Variants in FAM83A observed in about 807,000 individuals in gnomAD.
FAM83A encodes the protein scaffolding CK1 anchoring protein A, also known as protein FAM83A.
FAM83A carries 21 observed loss-of-function variants against 24.4 expected under a neutral mutation model. The ratio of observed to expected loss-of-function variants is 0.86; its 90% confidence interval spans 0.61 to 1.24. FAM83A has a LOEUF of 1.24. FAM83A is among the 50% of genes most tolerant of loss of function. FAM83A has a pLI of 0.00. For synonymous variants in FAM83A, 270 were observed against 252.4 expected (o/e 1.07, Z -0.66); for missense variants, 617 against 579.8 (o/e 1.06, Z -0.66).
At chr8:123,194,756 T>G (rs1824092418) in intron 3 of FAM83A, among the ~76,000 whole-genome samples, 1 of 152,236 alleles carries the variant, frequency 6.6e-6, no homozygotes, top group Admixed American at 6.5e-5. Flanking sequence ...GTGCTGAGAT[T>G]AGAGGCGTGA....
intron 3 of FAM83A, among the ~76,000 whole-genome samples, chr8:123,197,916 G>A (rs1170980710): frequency 6.6e-6 from 1 of 152,136 alleles, no homozygotes; most frequent in Non-Finnish European, 1.5e-5. Flanking sequence ...GATTACCTGA[G>A]GTCAGTAGTT....
chr8:123,182,961 C>G, exon 1 of FAM83A: 1 of 1,609,232 alleles, frequency 6.2e-7, no homozygotes, highest in African/African-American at 1.3e-5. Flanking sequence ...ACGAGAGTGC[C>G]CGGCTGGCCA....
chr8:123,182,061 G>A (rs117923613), upstream of FAM83A: 5,595 of 456,278 alleles, frequency 0.012, 68 homozygotes, highest in Non-Finnish European at 0.02. Context: ...CTCGTGGGCC[G>A]CCGGCAGCCT....
chr8:123,193,930 TG>T, intron 2 of FAM83A, 93 bp from the exon 3 acceptor site: 5 of 1,491,154 alleles, frequency 3.4e-6, no homozygotes, highest in Non-Finnish European at 4.6e-6. Context: ...CAACACAGAA[TG>T]GGGGTAAAGG....
At chr8:123,206,738 GA>G (rs1824562623) in intron 3 of FAM83A, among the ~76,000 whole-genome samples, 1 of 152,174 alleles carries the variant, frequency 6.6e-6, no homozygotes, top group Non-Finnish European at 1.5e-5. Flanking sequence ...GTCTGTAAGA[GA>G]GGTGTCGCAA....
intron 1 of FAM83A, among the ~76,000 whole-genome samples, chr8:123,185,715 C>T (rs1255988846): frequency 2.0e-5 from 3 of 152,136 alleles, no homozygotes; most frequent in Non-Finnish European, 4.4e-5. Flanking sequence ...GCCAGGCACC[C>T]AATAATAATT....
In FAM83A at chr8:123,191,977, G is replaced by A; in HGVS notation, c.648+7G>A. ...CTCTGACAGTCACCTCAAGGTAGGG[G>A]CCCCAATGAGAGTCCTAAGGGTACT... is the stretch of plus-strand genomic sequence containing the variant. On this transcript the variant is annotated splice_region_variant and intron_variant, in intron 2 of 3. Transcript: ENST00000690554. The A allele has an allele frequency of 1.9e-6, 3 of 1,613,836 alleles. No individual in the cohort carries two copies. Among genetic ancestry groups the A allele is most frequent in the Non-Finnish European group, 2.5e-6 (3 of 1,179,820 alleles).
intron 3 of FAM83A, among the ~76,000 whole-genome samples, chr8:123,198,937 A>C (rs1824252953): frequency 6.6e-6 from 1 of 152,034 alleles, no homozygotes; most frequent in Non-Finnish European, 1.5e-5. Context: ...CGGGGGTTTC[A>C]CTGTGTTGGC....
At chr8:123,207,109 CATCCTT>C in intron 3 of FAM83A, 42 bp from the exon 4 acceptor site, 1 of 1,262,934 alleles carries the variant, frequency 7.9e-7, no homozygotes. Flanking sequence ...TTCCCCTCCC[CATCCTT>C]CCCCCTTCTC....
exon 1 of FAM83A, chr8:123,183,037 G>A (rs1456406706): frequency 6.2e-7 from 1 of 1,611,308 alleles, no homozygotes; most frequent in Non-Finnish European, 8.5e-7. Context: ...AGGCGAGGTG[G>A]ACTTCTTGTC....
chr8:123,207,640 G>T, exon 4 of FAM83A: 1 of 1,545,300 alleles, frequency 6.5e-7, no homozygotes, highest in South Asian at 1.2e-5. Flanking sequence ...TGGTGCCGAG[G>T]CTGACTCCAA....
At chr8:123,201,557 C>G (rs1027502606) in intron 3 of FAM83A, 1 of 152,158 alleles carries the variant, frequency 6.6e-6, no homozygotes, top group African/African-American at 2.4e-5. Flanking sequence ...ACCAGTCTCC[C>G]CTTAGAGTTG....
Position 123,207,284 on chromosome 8 carries a change from TC to T in FAM83A, c.905del (p.Pro302ArgfsTer119). 1 of 1,612,278 alleles carries T rather than the reference TC, an allele frequency of 6.2e-7. No individual in the cohort carries two copies. The highest frequency in any genetic ancestry group is 8.5e-7 in the Non-Finnish European group (1 of 1,179,626). On this transcript the variant is annotated frameshift_variant, in exon 4 of 4. Transcript: ENST00000690554. LOFTEE classifies it low-confidence loss of function (END_TRUNC). ...CTCCAAGCCTGTGATGGGCCTGAAG[TC>T]CCCGCGGCTGGTCGCCCCCGTCCCG...
chr8:123,205,853 C>G (rs990606747), intron 3 of FAM83A, among the ~76,000 whole-genome samples: 4 of 152,034 alleles, frequency 2.6e-5, no homozygotes, highest in Non-Finnish European at 4.4e-5. Flanking sequence ...GGGGTTAAAT[C>G]TGGGAAACAG....
upstream of FAM83A, chr8:123,182,612 C>T (rs762602987): frequency 1.9e-5 from 13 of 699,288 alleles, no homozygotes; most frequent in Non-Finnish European, 3.3e-5. Flanking sequence ...CCTCCCGGCC[C>T]GAGGGCAGGG....
chr8:123,198,761 T>G (rs936116299), intron 3 of FAM83A, among the ~76,000 whole-genome samples: 1 of 152,162 alleles, frequency 6.6e-6, no homozygotes, highest in Non-Finnish European at 1.5e-5. Context: ...ACCCCACTCT[T>G]TTTTTTGAGA....
exon 4 of FAM83A, chr8:123,207,495 C>T: frequency 2.5e-6 from 4 of 1,580,638 alleles, no homozygotes; most frequent in Non-Finnish European, 2.6e-6. Context: ...CGGTTCCAGC[C>T]CCACCAAGGC....
intron 1 of FAM83A, among the ~76,000 whole-genome samples, chr8:123,190,876 T>C (rs1823951501): frequency 1.3e-5 from 2 of 152,150 alleles, no homozygotes; most frequent in Admixed American, 6.6e-5. Flanking sequence ...AGCCATTGCT[T>C]ATAAAATACC....
At position 123,209,954 on chromosome 8, in the gene FAM83A, C is replaced by A; in HGVS notation, c.*2266C>A. The A allele has an allele frequency of 5.0e-6, 1 of 200,262 alleles. No individual in the cohort carries two copies. Among genetic ancestry groups the A allele is most frequent in the Non-Finnish European group, 1.0e-5 (1 of 96,290 alleles). 12.4% of individuals were successfully genotyped at this position (200,262 alleles called of 1,614,324 possible). On this transcript the variant is annotated 3_prime_UTR_variant, in exon 4 of 4. Coordinates refer to ENST00000690554, the Ensembl canonical transcript of FAM83A. The surrounding 1 kb of genome is among the most constrained non-coding windows in gnomAD (Gnocchi z 4.7). ...TCCAGGTTGCCACATAGAAGCAGCTCTCCAGTTGAAACCCTCCTCTGCCAG... is the reference window on the plus strand; with the variant it reads ...TCCAGGTTGCCACATAGAAGCAGCTATCCAGTTGAAACCCTCCTCTGCCAG...
Sources: allele counts gnomAD v4.1 joint callset (sites outside exome capture counted in the v4.1 genomes callset), GRCh38; gene constraint gnomAD v4.1.1; non-coding constraint Gnocchi (gnomAD v3.1); transcripts MANE v1.5; gene names NCBI Gene and HGNC (gene_info 2026-07-23, HGNC 2026-07-21).